The following ATR variants were observed in gnomAD, a reference collection of about 807,000 sequenced individuals.
ATR encodes the protein serine/threonine-protein kinase ATR.
ATR carries 142 observed loss-of-function variants against 305.3 expected under a neutral mutation model. That is an observed-to-expected ratio of 0.47 (90% CI 0.41 to 0.53). The LOEUF (loss-of-function observed/expected upper bound fraction) is 0.53. Among genes scored for constraint, ATR ranks in the 20% least tolerant of loss-of-function variants. The pLI, the probability that ATR is intolerant of heterozygous loss-of-function variation, is 0.00. For missense variants in ATR, 2,135 were observed against 3,133.1 expected (o/e 0.68, Z 7.60); for synonymous variants, 1,050 against 1,068.1 (o/e 0.98, Z 0.33).
chr3:142,451,476 G>A (rs2070787460), intron 46 of ATR: 3 of 1,484,246 alleles, frequency 2.0e-6, no homozygotes, highest in Non-Finnish European at 2.7e-6. Flanking sequence ...GGCTTGCCCA[G>A]ACATCTTACA....
intron 23 of ATR, among the ~76,000 whole-genome samples, chr3:142,521,795 A>C (rs9821817): frequency 0.018 from 2,761 of 152,310 alleles, 65 homozygotes; most frequent in African/African-American, 0.057. Context: ...TTTTATAAGC[A>C]AAGAAAGTGG....
intron 36 of ATR, among the ~76,000 whole-genome samples, chr3:142,477,893 G>A (rs1302921229): frequency 6.6e-6 from 1 of 152,174 alleles, no homozygotes; most frequent in Non-Finnish European, 1.5e-5. Context: ...GGTGTTTATA[G>A]TATTCTCTGA....
intron 1 of ATR, among the ~76,000 whole-genome samples, chr3:142,577,767 C>T (rs1007049527): frequency 2.6e-5 from 4 of 152,190 alleles, no homozygotes; most frequent in African/African-American, 9.7e-5. Context: ...GCAGCACAAG[C>T]TTATTTATTT....
At position 142,563,097 on chromosome 3, in the gene ATR, C is replaced by G; in HGVS notation, c.305G>C (p.Trp102Ser). 1 of 1,602,344 alleles carries G rather than the reference C, an allele frequency of 6.2e-7. No homozygotes were observed. Among genetic ancestry groups the G allele is most frequent in the African/African-American group, 1.3e-5 (1 of 74,296 alleles). The change falls in exon 4 of 47, where the codon TGG becomes TCG. Residue 102 changes from tryptophan to serine, a missense_variant. Coordinates refer to ENST00000350721, the MANE Select transcript of ATR (RefSeq NM_001184.4). ...AATCCGCAGAAGTCTCGTTATGATC[C>G]AATTACTGAATTCTTTGAAATAAAC... ...AKGSCIEFSNWIITRLLRIAA... is the reference protein window; with the variant it reads ...AKGSCIEFSNSIITRLLRIAA...
chr3:142,512,064 G>C (rs1448019818), intron 27 of ATR, among the ~76,000 whole-genome samples, 196 bp downstream of exon 27: 7 of 151,992 alleles, frequency 4.6e-5, no homozygotes, highest in Non-Finnish European at 8.8e-5. Flanking sequence ...ATTGCAGTGA[G>C]CCGAGGTCAC....
chr3:142,477,307 G>C (rs1007992066), intron 36 of ATR, among the ~76,000 whole-genome samples: 4 of 152,184 alleles, frequency 2.6e-5, no homozygotes, highest in African/African-American at 9.7e-5. Flanking sequence ...ATGAAGGGCT[G>C]TTGAATTTTG....
chr3:142,493,026 CA>C (rs1257639132), intron 35 of ATR, 105 bp downstream of exon 35: 18 of 1,291,472 alleles, frequency 1.4e-5, no homozygotes, highest in Admixed American at 5.1e-5. Flanking sequence ...ACTGAAAAGT[CA>C]AAAAAATTTC....
rs2034401533 is a variant in ATR at position 142,549,603 on chromosome 3, G to A, written c.3047C>T (p.Thr1016Ile). Residue 1016 changes from threonine (T) to isoleucine (I), a missense_variant, in exon 15 of 47, where the codon ACT becomes ATT. By Grantham distance (89) the Thr-to-Ile change is moderately conservative (BLOSUM62 -1). This residue lies in a region of ATR where 530 missense variants were observed against 766.8 expected (regional missense o/e 0.69). Transcript: ENST00000350721. ...ASPAASALIR[T>I]LGKQLNVNRR... ...ATTGACATTTAATTGTTTTCCTAAA[G>A]TTCGAATGAGAGCAGAAGCTGCAGG... 1 of 1,613,314 alleles carries A rather than the reference G, an allele frequency of 6.2e-7. No homozygotes were observed. The highest frequency in any genetic ancestry group is 8.5e-7 in the Non-Finnish European group (1 of 1,179,678).
At position 142,556,116 on chromosome 3, in the gene ATR, T is replaced by C; in HGVS notation, c.2102A>G (p.Asp701Gly). ...ILIDKVKDDSDIVKKEFASIL... is the reference protein window; with the variant it reads ...ILIDKVKDDSGIVKKEFASIL... Reference sequence around the variant, plus strand: ...AGAAGCAAATTCTTTCTTGACAATGTCAGAATCATCTTTGACTTTATCTCT... The same window carrying C: ...AGAAGCAAATTCTTTCTTGACAATGCCAGAATCATCTTTGACTTTATCTCT... The change falls in exon 10 of 47, where the codon GAC becomes GGC. Residue 701 changes from aspartate (D) to glycine (G), a missense_variant. By Grantham distance (94) the Asp-to-Gly change is moderately conservative (BLOSUM62 -1). This residue lies in a region of ATR where 744 missense variants were observed against 873.2 expected (regional missense o/e 0.85). Transcript: ENST00000350721. 1.2e-6 allele frequency: 2 copies of C among 1,613,106 alleles called. No homozygotes were observed. Among genetic ancestry groups the C allele is most frequent in the South Asian group, 2.2e-5 (2 of 90,574 alleles).
intron 22 of ATR, among the ~76,000 whole-genome samples, 182 bp from the exon 23 acceptor site, chr3:142,523,023 A>G (rs1287471282): frequency 6.6e-6 from 1 of 152,194 alleles, no homozygotes; most frequent in Non-Finnish European, 1.5e-5. Flanking sequence ...TGTAGCTAAA[A>G]AGCCAAAATG....
At chr3:142,549,219 T>G (rs1203227674) in intron 15 of ATR, among the ~76,000 whole-genome samples, 1 of 152,182 alleles carries the variant, frequency 6.6e-6, no homozygotes, top group Non-Finnish European at 1.5e-5. Flanking sequence ...TGAAAAGTAC[T>G]ATAATGAAAT....
chr3:142,488,994 T>C (rs1295260387), intron 35 of ATR, among the ~76,000 whole-genome samples: 2 of 152,156 alleles, frequency 1.3e-5, no homozygotes, highest in Non-Finnish European at 2.9e-5. Flanking sequence ...TGCAATTTAA[T>C]CCTAGGCATT....
intron 42 of ATR, among the ~76,000 whole-genome samples, chr3:142,459,740 G>A (rs1167857677): frequency 6.6e-6 from 1 of 152,014 alleles, no homozygotes; most frequent in African/African-American, 2.4e-5. Context: ...GGCTGACTGA[G>A]ACTTGAGTAT....
At chr3:142,551,802 A>G (rs1370380508) in intron 13 of ATR, among the ~76,000 whole-genome samples, 1 of 152,228 alleles carries the variant, frequency 6.6e-6, no homozygotes, top group Non-Finnish European at 1.5e-5. Context: ...CAATTTCAAC[A>G]AAGCAAAAAT....
chr3:142,469,591 A>C lies in ATR; in HGVS notation c.6320-22T>G, dbSNP rs1577512819. 1.1e-5 allele frequency: 18 copies of C among 1,576,132 alleles called. No individual in the cohort carries two copies. In the East Asian group the frequency reaches 4.0e-4, roughly 35 times the overall value. ...CCAGCTGGGGGAAGAAATAAGTTTA[A>C]AAAACAATAAAGGAAAGAGAAAAAT... On this transcript the variant is annotated intron_variant, in intron 37 of 46. Coordinates refer to ENST00000350721, the MANE Select transcript of ATR (RefSeq NM_001184.4).
rs200947706 is a variant in ATR, at chr3:142,562,275, C to A, written c.1127G>T (p.Cys376Phe). 1 of 1,614,064 alleles carries A rather than the reference C, an allele frequency of 6.2e-7. No homozygotes were observed. The highest frequency in any genetic ancestry group is 2.2e-5 in the East Asian group (1 of 44,880). Residue 376 changes from cysteine to phenylalanine, a missense_variant, in exon 4 of 47, where the codon TGT becomes TTT. Physicochemically the swap from Cys to Phe is radical, Grantham distance 205 (BLOSUM62 -2). Transcript: ENST00000350721. ...QVRKVYVRNI[C>F]KALLDVLGIE... ...TCCAAGCACATCCAAAAGAGCTTTA[C>A]AAATATTTCTCACATAGACCTTCCT...
In ATR at chr3:142,467,961, A is replaced by T. The variant is rs2071169076; in HGVS notation, c.6660T>A (p.Asp2220Glu). 2 of 1,613,102 alleles carry T rather than the reference A, an allele frequency of 1.2e-6. No homozygotes were observed. Among genetic ancestry groups the T allele is most frequent in the Non-Finnish European group, 1.7e-6 (2 of 1,179,490 alleles). The part of the protein sequence containing the change: ...KFVGDATRLT[D>E]KLLELCNKPV... ...GTTTATTGCACAATTCTAGAAGCTT[A>T]TCTGTTAGGCGAGTTGCATCTCCAA... is the stretch of plus-strand genomic sequence containing the variant. Residue 2220 changes from aspartate (D) to glutamate (E), a missense_variant, in exon 39 of 47, where the codon GAT (aspartate) becomes GAA (glutamate). By Grantham distance (45) the Asp-to-Glu change is conservative. Coordinates refer to ENST00000350721, the MANE Select transcript of ATR (RefSeq NM_001184.4).
chr3:142,491,230 T>C (rs1300160968), intron 35 of ATR, among the ~76,000 whole-genome samples: 1 of 152,192 alleles, frequency 6.6e-6, no homozygotes, highest in Non-Finnish European at 1.5e-5. Context: ...AGTGGAATCA[T>C]GCAATATGTG....
intron 27 of ATR, among the ~76,000 whole-genome samples, chr3:142,509,245 C>T (rs891248018): frequency 3.3e-5 from 5 of 152,272 alleles, no homozygotes; most frequent in African/African-American, 1.2e-4. Context: ...TAGCTCACTG[C>T]AGCCTTCACC....
Sources: allele counts gnomAD v4.1 joint callset (sites outside exome capture counted in the v4.1 genomes callset), GRCh38; gene constraint gnomAD v4.1.1; regional missense constraint gnomAD v4.1.1; transcripts MANE v1.5; gene names NCBI Gene and HGNC (gene_info 2026-07-23, HGNC 2026-07-21).